Variants in NAPEPLD observed in about 807,000 individuals in gnomAD.
The protein encoded by NAPEPLD is N-acyl phosphatidylethanolamine phospholipase D.
Under a neutral mutation model 38.1 loss-of-function variants are expected in NAPEPLD, and 23 were observed. That is an observed-to-expected ratio of 0.60 (90% CI 0.43 to 0.86). NAPEPLD has a LOEUF of 0.86. Among genes scored for constraint, NAPEPLD ranks in the 40% least tolerant of loss-of-function variants. The pLI is 0.00. For synonymous variants in NAPEPLD, 147 were observed against 162.0 expected (o/e 0.91, Z 0.71); for missense variants, 411 against 476.8 (o/e 0.86, Z 1.28).
At chr7:103,143,680 C>A (rs898426181) in intron 1 of NAPEPLD, among the ~76,000 whole-genome samples, 3 of 152,198 alleles carry the variant, frequency 2.0e-5, no homozygotes, top group African/African-American at 7.2e-5. Context: ...TCAGGGCCCA[C>A]CATACCAAGC....
At chr7:103,137,895 G>C (rs924643714) in intron 1 of NAPEPLD, among the ~76,000 whole-genome samples, 1 of 151,336 alleles carries the variant, frequency 6.6e-6, no homozygotes, top group African/African-American at 2.4e-5. Context: ...GTTGGGGGAG[G>C]ACAAGGTAGG....
intron 2 of NAPEPLD, chr7:103,126,782 A>ATTTTTTTTTTTTTTTTTTTTTTTTTTTTT (rs61285914): frequency 1.3e-5 from 1 of 78,764 alleles, no homozygotes; most frequent in Non-Finnish European, 2.4e-5. Flanking sequence ...AATTTTTTGT[A>ATTTTTTTTTTTTTTTTTTTTTTTTTTTTT]TTTTTTTTTT....
chr7:103,115,377 A>G (rs1279637472), intron 3 of NAPEPLD: 1 of 431,980 alleles, frequency 2.3e-6, no homozygotes, highest in African/African-American at 2.0e-5. Flanking sequence ...GATTGTAAAA[A>G]CAAAACAAAT....
chr7:103,139,240 A>G (rs537934374), intron 1 of NAPEPLD, among the ~76,000 whole-genome samples: 8 of 152,316 alleles, frequency 5.3e-5, no homozygotes, highest in African/African-American at 1.9e-4. Context: ...TTTAACAAAC[A>G]TTGTTAGAAT....
At chr7:103,136,383 C>T (rs1810063724) in intron 1 of NAPEPLD, among the ~76,000 whole-genome samples, 1 of 148,182 alleles carries the variant, frequency 6.7e-6, no homozygotes, top group Non-Finnish European at 1.5e-5. Flanking sequence ...AACAGCCTGG[C>T]TAACATGGCA....
In NAPEPLD at chr7:103,105,656, A is replaced by T. The variant is rs573126281; in HGVS notation, c.1057-2102T>A. On this transcript the variant is annotated intron_variant, in intron 4 of 4. Coordinates refer to ENST00000465647, the MANE Select transcript of NAPEPLD (RefSeq NM_001122838.3). Reference sequence around the variant, plus strand: ...AAGAGTGTTAAAGTGTTTAGAAGTCATGGGTAACTGGCTGGGTGCAGTGGC... The same window carrying T: ...AAGAGTGTTAAAGTGTTTAGAAGTCTTGGGTAACTGGCTGGGTGCAGTGGC... Among the ~76,000 whole-genome samples the T allele has an allele frequency of 2.0e-5, 3 of 152,348 alleles. No individual in the cohort carries two copies. The East Asian group carries it at 5.8e-4, about 29-fold the overall frequency.
chr7:103,135,920 C>T (rs1208429942), intron 1 of NAPEPLD, among the ~76,000 whole-genome samples: 1 of 152,030 alleles, frequency 6.6e-6, no homozygotes, highest in Non-Finnish European at 1.5e-5. Flanking sequence ...GATTGTAACT[C>T]CTAAACGTTG....
intron 4 of NAPEPLD, among the ~76,000 whole-genome samples, chr7:103,103,843 T>C (rs757376972): frequency 1.3e-3 from 193 of 152,220 alleles, no homozygotes; most frequent in Non-Finnish European, 1.9e-3. Context: ...CATCACGGTT[T>C]CACCATATGA....
At chr7:103,109,016 G>C (rs1000060284) in intron 4 of NAPEPLD, among the ~76,000 whole-genome samples, 3 of 152,138 alleles carry the variant, frequency 2.0e-5, no homozygotes, top group African/African-American at 4.8e-5. Flanking sequence ...TAATGGTAAA[G>C]GAATCAATGC....
intron 1 of NAPEPLD, among the ~76,000 whole-genome samples, chr7:103,137,074 G>C (rs1274754622): frequency 1.3e-5 from 2 of 152,038 alleles, no homozygotes; most frequent in Non-Finnish European, 2.9e-5. Context: ...CAAATAGCTG[G>C]GATTACAGGT....
intron 1 of NAPEPLD, 119 bp from the exon 2 acceptor site, chr7:103,128,911 A>G: frequency 3.7e-6 from 4 of 1,072,918 alleles, no homozygotes; most frequent in Middle Eastern, 3.1e-4. Context: ...TTATGTCTGT[A>G]TTAGCTGAAA....
chr7:103,118,318 CTATT>C (rs2129528525), intron 3 of NAPEPLD, among the ~76,000 whole-genome samples: 1 of 152,198 alleles, frequency 6.6e-6, no homozygotes, highest in Non-Finnish European at 1.5e-5. Context: ...AGAATTATAA[CTATT>C]TAATTAGAAA....
intron 1 of NAPEPLD, among the ~76,000 whole-genome samples, chr7:103,140,566 T>C (rs1004947361): frequency 1.3e-5 from 2 of 151,984 alleles, no homozygotes; most frequent in African/African-American, 4.8e-5. Context: ...CTAATTTTTT[T>C]GTATTTTTAG....
chr7:103,134,741 G>A (rs1425857024), intron 1 of NAPEPLD, among the ~76,000 whole-genome samples: 1 of 152,106 alleles, frequency 6.6e-6, no homozygotes, highest in East Asian at 1.9e-4. Flanking sequence ...AATTATCAAG[G>A]ACATTCTCTA....
chr7:103,117,839 C>T (rs1805866941), intron 3 of NAPEPLD, among the ~76,000 whole-genome samples: 1 of 152,170 alleles, frequency 6.6e-6, no homozygotes, highest in Non-Finnish European at 1.5e-5. Context: ...TATATTACTA[C>T]ATATGAAAAC....
intron 4 of NAPEPLD, among the ~76,000 whole-genome samples, chr7:103,111,495 T>C (rs150267986): frequency 0.027 from 4,106 of 152,078 alleles, 205 homozygotes; most frequent in African/African-American, 0.093. Context: ...ACCTGACAAA[T>C]ACAAGCAATG....
intron 1 of NAPEPLD, among the ~76,000 whole-genome samples, chr7:103,137,241 A>G (rs554680485): frequency 4.6e-5 from 7 of 152,368 alleles, no homozygotes; most frequent in Middle Eastern, 3.4e-3. Flanking sequence ...TCCGGCCCCA[A>G]ATAAATAGTT....
chr7:103,148,535 CAAT>C (rs1813066967), intron 1 of NAPEPLD, among the ~76,000 whole-genome samples: 2 of 150,968 alleles, frequency 1.3e-5, no homozygotes, highest in East Asian at 3.9e-4. Flanking sequence ...GAAAAGCCCA[CAAT>C]AATACCCAAT....
intron 4 of NAPEPLD, among the ~76,000 whole-genome samples, chr7:103,106,961 C>T (rs1433675714): frequency 6.6e-6 from 1 of 152,190 alleles, no homozygotes; most frequent in African/African-American, 2.4e-5. Flanking sequence ...GGCTGGGAGA[C>T]ACCTCCCAGT....
Sources: gnomAD v4.1 joint callset for allele counts (sites outside exome capture counted in the v4.1 genomes callset) on GRCh38, gnomAD v4.1.1 for gene constraint, MANE v1.5 for transcripts, NCBI Gene and HGNC (gene_info 2026-07-23, HGNC 2026-07-21) for gene names.